Variants in UTRN observed in about 807,000 individuals in gnomAD.
The protein encoded by UTRN is dystrophin-related protein 1.
In UTRN, 283 loss-of-function variants were observed where a neutral mutation model predicts 463.9. The observed-to-expected ratio is 0.61, with a 90% CI of 0.55 to 0.67. The LOEUF is 0.67. Among genes scored for constraint, UTRN ranks in the 30% least tolerant of loss-of-function variants. The pLI is 0.00. For missense variants in UTRN, 3,922 were observed against 4,084.3 expected (o/e 0.96, Z 1.08); for synonymous variants, 1,442 against 1,431.5 (o/e 1.01, Z -0.17).
chr6:144,481,852 G>A (rs1004092092), intron 26 of UTRN, among the ~76,000 whole-genome samples: 2 of 152,230 alleles, frequency 1.3e-5, no homozygotes, highest in African/African-American at 4.8e-5. Flanking sequence ...CAGGTCAGGA[G>A]TTTGAGACCA....
intron 2 of UTRN, among the ~76,000 whole-genome samples, chr6:144,371,327 T>A (rs1474241116): frequency 1.3e-5 from 2 of 152,184 alleles, no homozygotes; most frequent in African/African-American, 4.8e-5. Context: ...CTTTTTTAAA[T>A]CCCCCTATTA....
intron 2 of UTRN, among the ~76,000 whole-genome samples, chr6:144,359,887 C>T (rs1351356177): frequency 6.6e-6 from 1 of 152,040 alleles, no homozygotes; most frequent in African/African-American, 2.4e-5. Flanking sequence ...CCCAGTGTTG[C>T]TGCATAATAT....
intron 41 of UTRN, among the ~76,000 whole-genome samples, chr6:144,529,930 T>C (rs73781910): frequency 0.025 from 3,830 of 152,292 alleles, 183 homozygotes; most frequent in African/African-American, 0.086. Context: ...TTATGCTTAT[T>C]TCATGTATCC....
At chr6:144,498,720 TCACGGCTCACTG>T (rs1040766150) in intron 33 of UTRN, among the ~76,000 whole-genome samples, 1 of 152,000 alleles carries the variant, frequency 6.6e-6, no homozygotes, top group African/African-American at 2.4e-5. Context: ...AGTGGCAGGA[TCACGGCTCACTG>T]CAGCCCCAGC....
intron 17 of UTRN, among the ~76,000 whole-genome samples, chr6:144,450,232 C>T (rs771460000): frequency 6.6e-6 from 1 of 152,202 alleles, no homozygotes; most frequent in Non-Finnish European, 1.5e-5. Flanking sequence ...ATAGAACTCT[C>T]CCTTGGCTCT....
At chr6:144,740,100 GT>G (rs1789885269) in intron 54 of UTRN, among the ~76,000 whole-genome samples, 1 of 152,190 alleles carries the variant, frequency 6.6e-6, no homozygotes, top group African/African-American at 2.4e-5. Context: ...GAAACTGAGA[GT>G]CTGAGAGGCT....
chr6:144,450,339 C>T (rs904618536), intron 17 of UTRN, among the ~76,000 whole-genome samples: 1 of 152,134 alleles, frequency 6.6e-6, no homozygotes. Flanking sequence ...TCAATTGTCC[C>T]TCCCTTGTGA....
rs188592110 is a variant in UTRN at position 144,515,098 on chromosome 6, T to C, written c.5244+278T>C. Among the ~76,000 whole-genome samples the C allele has an allele frequency of 1.3e-3, 191 of 152,114 alleles. 2 individuals are homozygous for C. The South Asian group carries it at 0.032, about 25-fold the overall frequency. ...TGTGTTTTTTTTAGGAGAGATAGGG[T>C]TTCACCATCTTGGCCAGGCTGGTCT... On this transcript the variant is annotated intron_variant, in intron 37 of 74. Transcript: ENST00000367545.
At chr6:144,631,394 T>C (rs1283746515) in intron 51 of UTRN, among the ~76,000 whole-genome samples, 1 of 152,182 alleles carries the variant, frequency 6.6e-6, no homozygotes, top group Non-Finnish European at 1.5e-5. Context: ...TAGCTTATAT[T>C]CCAAATATTG....
intron 51 of UTRN, among the ~76,000 whole-genome samples, chr6:144,637,318 G>C (rs1034428236): frequency 2.6e-5 from 4 of 152,036 alleles, no homozygotes; most frequent in African/African-American, 9.7e-5. Context: ...ATCTAATGTA[G>C]TTATGTGGCC....
At chr6:144,445,264 T>C (rs1000082696) in intron 14 of UTRN, among the ~76,000 whole-genome samples, 2 of 150,194 alleles carry the variant, frequency 1.3e-5, no homozygotes, top group South Asian at 2.1e-4. Flanking sequence ...GGCAGGAGAA[T>C]TGCTGGAACC....
intron 54 of UTRN, among the ~76,000 whole-genome samples, chr6:144,737,927 C>A (rs908044250): frequency 6.6e-6 from 1 of 151,796 alleles, no homozygotes; most frequent in Non-Finnish European, 1.5e-5. Flanking sequence ...ACTTTCCAAG[C>A]AACTTTCATA....
intron 2 of UTRN, among the ~76,000 whole-genome samples, chr6:144,368,508 A>G (rs1308896239): frequency 6.6e-6 from 1 of 152,214 alleles, no homozygotes; most frequent in Non-Finnish European, 1.5e-5. Context: ...TGGGTGGCTC[A>G]GGCCTGTAAT....
Position 144,767,749 on chromosome 6 carries a change from AAT to A in UTRN, c.8496-4155_8496-4154del, listed in dbSNP as rs1272774246. Among the ~76,000 whole-genome samples, 4 of 152,282 alleles carry A rather than the reference AAT, an allele frequency of 2.6e-5. No homozygotes were observed. The South Asian group carries it at 8.3e-4, about 32-fold the overall frequency. On this transcript the variant is annotated intron_variant, in intron 58 of 74. Coordinates refer to ENST00000367545, the MANE Select transcript of UTRN (RefSeq NM_007124.3). ...ATTTTACTTTGCACAGCAAAGAAGA[AAT>A]ATTTTTTTCTTTGATTGTCTTATCT...
chr6:144,714,882 T>C (rs114008442), intron 53 of UTRN, among the ~76,000 whole-genome samples: 123 of 152,236 alleles, frequency 8.1e-4, no homozygotes, highest in African/African-American at 2.9e-3. Flanking sequence ...CCTCGGACTC[T>C]ACTTGACTTC....
chr6:144,793,586 GT>G (rs1776950366), intron 62 of UTRN, among the ~76,000 whole-genome samples: 1 of 152,114 alleles, frequency 6.6e-6, no homozygotes. Context: ...ATGTTTATAT[GT>G]ATACATAACC....
chr6:144,388,462 A>G lies in UTRN; in HGVS notation c.80-14661A>G, dbSNP rs374989931. On this transcript the variant is annotated intron_variant, in intron 2 of 74. Coordinates refer to ENST00000367545, the MANE Select transcript of UTRN (RefSeq NM_007124.3). ...AGAGTAGCTGGGACTACAGGTGTGG[A>G]CCATTCTGCCTGGCTAATATTATTT... Among the ~76,000 whole-genome samples the G allele has an allele frequency of 2.0e-5, 3 of 149,196 alleles. No individual in the cohort carries two copies. In the East Asian group the frequency reaches 5.8e-4, roughly 29 times the overall value.
At chr6:144,740,952 G>T (rs968943420) in intron 54 of UTRN, among the ~76,000 whole-genome samples, 1 of 152,110 alleles carries the variant, frequency 6.6e-6, no homozygotes, top group African/African-American at 2.4e-5. Flanking sequence ...TCGTTTACAC[G>T]TGTGTATTTT....
chr6:144,456,341 T>C (rs549257003), intron 19 of UTRN, among the ~76,000 whole-genome samples: 16 of 152,208 alleles, frequency 1.1e-4, no homozygotes, highest in African/African-American at 3.4e-4. Flanking sequence ...TCATAGAGCA[T>C]AGAAACAATT....
Sources: allele counts gnomAD v4.1 joint callset (sites outside exome capture counted in the v4.1 genomes callset), GRCh38; gene constraint gnomAD v4.1.1; transcripts MANE v1.5; gene names NCBI Gene and HGNC (gene_info 2026-07-23, HGNC 2026-07-21).